The following MATN4 variants were observed in gnomAD, a reference collection of about 807,000 sequenced individuals.
MATN4 encodes the protein matrilin-4.
A neutral mutation model predicts 54.6 loss-of-function variants in MATN4; 40 were observed. The observed-to-expected ratio is 0.73, with a 90% CI of 0.57 to 0.95. The LOEUF (loss-of-function observed/expected upper bound fraction) is 0.95, where lower values mean the gene tolerates loss of function less well. Among genes scored for constraint, MATN4 ranks in the 40% least tolerant of loss-of-function variants. The probability of loss-of-function intolerance (pLI) is 0.00; values close to 1 mark genes in which losing one functional copy is unlikely to be tolerated. For missense variants in MATN4, 810 were observed against 819.1 expected (o/e 0.99, Z 0.13); for synonymous variants, 351 against 345.3 (o/e 1.02, Z -0.18).
At chr20:45,303,664 G>A (rs1986384131) in intron 3 of MATN4, among the ~76,000 whole-genome samples, 1 of 152,224 alleles carries the variant, frequency 6.6e-6, no homozygotes, top group African/African-American at 2.4e-5. Context: ...TACCAAGTGA[G>A]AGGGCTTAGG....
At chr20:45,301,486 C>G (rs1181730717) in intron 3 of MATN4, 43 bp from the exon 4 acceptor site, 32 of 1,594,220 alleles carry the variant, frequency 2.0e-5, no homozygotes, top group Non-Finnish European at 2.6e-5. Flanking sequence ...GACTGCCCTT[C>G]TCAGCTCTGG....
intron 2 of MATN4, 135 bp from the exon 3 acceptor site, chr20:45,304,932 G>A (rs1986492456): frequency 1.7e-6 from 1 of 575,252 alleles, no homozygotes; most frequent in Non-Finnish European, 3.0e-6. Flanking sequence ...TTAGACAGAT[G>A]CACTCGCCCG....
intron 8 of MATN4, among the ~76,000 whole-genome samples, chr20:45,297,124 G>T (rs911348818): frequency 6.7e-6 from 1 of 149,832 alleles, no homozygotes; most frequent in African/African-American, 2.5e-5. Context: ...GAGCCACTGC[G>T]CCCAGCCCCC....
In MATN4 at chr20:45,293,984, C is replaced by T. The variant is rs1175515247; in HGVS notation, c.1611G>A (p.Arg537=). 1 of 1,603,228 alleles carries T rather than the reference C, an allele frequency of 6.2e-7. No homozygotes were observed. Among genetic ancestry groups the T allele is most frequent in the Admixed American group, 1.7e-5 (1 of 59,690 alleles). Residue 537 remains arginine, a synonymous_variant, in exon 9 of 10, where the codon CGG becomes CGA. Coordinates refer to ENST00000372756, the MANE Select transcript of MATN4 (RefSeq NM_001393530.1). ...CGAGGCTTTCGCATTCGCATGGGCT[C>T]CGAAGCTCTGTCCCTGCGCTGATGC... ...EEGISAGTEL[R]SPCECESLVE...
chr20:45,293,848 G>T (rs1197905390), intron 9 of MATN4, 23 bp from the exon 10 acceptor site: 2 of 1,610,252 alleles, frequency 1.2e-6, no homozygotes, highest in Non-Finnish European at 1.7e-6. Context: ...GGAGGCCGTT[G>T]GGGTTCGCCG....
At chr20:45,296,402 T>C (rs1047829326) in intron 8 of MATN4, among the ~76,000 whole-genome samples, 17 of 152,264 alleles carry the variant, frequency 1.1e-4, no homozygotes, top group Non-Finnish European at 1.5e-4. Flanking sequence ...TTCATCTTAG[T>C]CTTATATGTA....
intron 3 of MATN4, among the ~76,000 whole-genome samples, chr20:45,302,300 GA>G (rs1259314041): frequency 1.3e-5 from 2 of 151,748 alleles, no homozygotes; most frequent in East Asian, 3.8e-4. Flanking sequence ...TTAGTTTCTA[GA>G]AACAAGAAGA....
At chr20:45,305,666 A>T in intron 1 of MATN4, 50 bp from the exon 2 acceptor site, 1 of 920,680 alleles carries the variant, frequency 1.1e-6, no homozygotes, top group Non-Finnish European at 1.7e-6. Flanking sequence ...CAGAGCTCTT[A>T]TTCTGGGTGA....
intron 1 of MATN4, chr20:45,306,770 G>A (rs2145676343): frequency 1.8e-6 from 1 of 547,712 alleles, no homozygotes; most frequent in Non-Finnish European, 2.8e-6. Context: ...CGAGCAAACA[G>A]GGGGCCGGGG....
At position 45,298,193 on chromosome 20, in the gene MATN4, C is replaced by A; in HGVS notation, c.1403G>T (p.Trp468Leu). ...DGRSQDDISV[W>L]AARAKEEGIV... Reference sequence around the variant, plus strand: ...ACCTTCCTCCTTGGCGCGCGCTGCCCACACCGAGATGTCATCCTGGGAGCG... The same window carrying A: ...ACCTTCCTCCTTGGCGCGCGCTGCCAACACCGAGATGTCATCCTGGGAGCG... Residue 468 changes from tryptophan to leucine, a missense_variant, in exon 7 of 10, where the codon TGG becomes TTG. By Grantham distance (61) the Trp-to-Leu change is moderately conservative. Coordinates refer to ENST00000372756, the MANE Select transcript of MATN4 (RefSeq NM_001393530.1). This position sits in a 1 kb window ranked among gnomAD's most constrained non-coding sequence, Gnocchi z 4.6. The A allele has an allele frequency of 1.2e-6, 2 of 1,600,308 alleles. No individual in the cohort carries two copies. Among genetic ancestry groups the A allele is most frequent in the African/African-American group, 2.7e-5 (2 of 74,828 alleles).
intron 8 of MATN4, 88 bp downstream of exon 8, chr20:45,297,830 A>G (rs1239696151): frequency 2.2e-5 from 33 of 1,524,492 alleles, no homozygotes; most frequent in Non-Finnish European, 3.0e-5. Flanking sequence ...GGCTATAACT[A>G]CAAAGTGGGC....
chr20:45,298,761 CCAT>C lies in MATN4; in HGVS notation c.1013-181_1013-179del, dbSNP rs369157494. 2.5e-3 allele frequency among the ~76,000 whole-genome samples: 382 copies of C among 152,274 alleles called. 3 individuals carry two copies. The highest frequency in any genetic ancestry group is 8.6e-3 in the African/African-American group (357 of 41,528). ...ATTATCACCATCATCATCACCATCA[CCAT>C]CATCATCACCCTCATCATCGCCCTT... is the stretch of plus-strand genomic sequence containing the variant. On this transcript the variant is annotated intron_variant, in intron 6 of 9. Coordinates refer to ENST00000372756, the MANE Select transcript of MATN4 (RefSeq NM_001393530.1). This position sits in a 1 kb window ranked among gnomAD's most constrained non-coding sequence, Gnocchi z 4.6.
Position 45,298,349 on chromosome 20 carries a change from T to G in MATN4, c.1247A>C (p.Glu416Ala). The change falls in exon 7 of 10, where the codon GAG (glutamate) becomes GCG (alanine). Residue 416 changes from glutamate to alanine, a missense_variant. Coordinates refer to ENST00000372756, the MANE Select transcript of MATN4 (RefSeq NM_001393530.1). The surrounding 1 kb of genome is among the most constrained non-coding windows in gnomAD (Gnocchi z 4.6). ...AEVKQAVLAV[E>A]YMERGTMTGL... is the part of the protein sequence containing the mutation. ...TGTCATGGTGCCGCGTTCCATGTAC[T>G]CCACGGCCAGGACCGCCTGCTTCAC... The G allele has an allele frequency of 6.2e-7, 1 of 1,613,222 alleles. No homozygotes were observed. The highest frequency in any genetic ancestry group is 1.7e-5 in the Admixed American group (1 of 59,986).
Position 45,304,576 on chromosome 20 carries a change from G to A in MATN4, c.295C>T (p.Arg99Cys). Reference protein sequence around the residue: ...RAFSRREDMERAIRDLVPLAQ... With the variant: ...RAFSRREDMECAIRDLVPLAQ... ...AGAGGCACCAGGTCGCGGATGGCGCGCTCCATGTCCTCGCGGCGAGAGAAC... is the reference window on the plus strand; with the variant it reads ...AGAGGCACCAGGTCGCGGATGGCGCACTCCATGTCCTCGCGGCGAGAGAAC... Residue 99 changes from arginine (R) to cysteine (C), a missense_variant, in exon 3 of 10, where the codon CGC becomes TGC. Coordinates refer to ENST00000372756, the MANE Select transcript of MATN4 (RefSeq NM_001393530.1). 1.9e-6 allele frequency: 3 copies of A among 1,598,092 alleles called. No individual in the cohort carries two copies. Among genetic ancestry groups the A allele is most frequent in the Non-Finnish European group, 1.7e-6 (2 of 1,167,500 alleles).
In MATN4 at chr20:45,295,578, G is replaced by A. The variant is rs565723369; in HGVS notation, c.1580-1563C>T. On this transcript the variant is annotated intron_variant, in intron 8 of 9. Coordinates refer to ENST00000372756, the MANE Select transcript of MATN4 (RefSeq NM_001393530.1). ...AATTTTTTGTATTTTTAGTAGAGACGGGGTTTCACTGTGTTAGCCAGGATG... is the reference window on the plus strand; with the variant it reads ...AATTTTTTGTATTTTTAGTAGAGACAGGGTTTCACTGTGTTAGCCAGGATG... Among the ~76,000 whole-genome samples the A allele has an allele frequency of 4.9e-4, 75 of 152,146 alleles. 1 individual carries two copies. Among genetic ancestry groups the A allele is most frequent in the African/African-American group, 1.7e-3 (69 of 41,494 alleles).
rs1985963931 is a variant in MATN4, at chr20:45,298,044, C to T, written c.1453G>A (p.Gly485Ser). The T allele has an allele frequency of 1.9e-6, 3 of 1,613,612 alleles. No individual in the cohort carries two copies. The highest frequency in any genetic ancestry group is 1.7e-6 in the Non-Finnish European group (2 of 1,179,894). The change falls in exon 8 of 10, where the codon GGC becomes AGC. Residue 485 changes from glycine to serine, a missense_variant. By Grantham distance (56) the Gly-to-Ser change is moderately conservative. Transcript: ENST00000372756. This position sits in a 1 kb window ranked among gnomAD's most constrained non-coding sequence, Gnocchi z 4.6. The part of the protein sequence containing the change: ...EGIVMYAVGV[G>S]KAVEAELREI... ...CGCAGCTCCGCCTCCACCGCCTTGC[C>T]CACGCCCACGGCGTACATGACGATG...
chr20:45,301,208 G>T lies in MATN4; in HGVS notation c.783C>A (p.Ser261Arg). The change falls in exon 5 of 10, where the codon AGC (serine) becomes AGA (arginine). Residue 261 changes from serine to arginine, a missense_variant. Physicochemically the swap from Ser to Arg is moderately radical, Grantham distance 110. Coordinates refer to ENST00000372756, the MANE Select transcript of MATN4 (RefSeq NM_001393530.1). ...QRSCRAIDYC[S>R]FGNHSCQHEC... ...CATGCTGACAGCTATGGTTCCCAAAGCTGCAGTAGTCAATGGCTGGCAGGA... is the reference window on the plus strand; with the variant it reads ...CATGCTGACAGCTATGGTTCCCAAATCTGCAGTAGTCAATGGCTGGCAGGA... 4 of 1,614,112 alleles carry T rather than the reference G, an allele frequency of 2.5e-6. No individual in the cohort carries two copies. In the South Asian group the frequency reaches 4.4e-5, roughly 18 times the overall value.
chr20:45,305,805 C>CTT lies in MATN4; in HGVS notation c.-34-191_-34-190dup, dbSNP rs758735302. Reference sequence around the variant, plus strand: ...GGATTGCTGGGAAACACAAGAGATTCTTTTTTTTTTTTTTTTTAGATAGAG... The same window carrying CTT: ...GGATTGCTGGGAAACACAAGAGATTCTTTTTTTTTTTTTTTTTTTAGATAGAG... On this transcript the variant is annotated intron_variant, in intron 1 of 9. Coordinates refer to ENST00000372756, the MANE Select transcript of MATN4 (RefSeq NM_001393530.1). Among the ~76,000 whole-genome samples, 15 of 64,686 alleles carry CTT rather than the reference C, an allele frequency of 2.3e-4. 4 individuals are homozygous for CTT. In the East Asian group the frequency reaches 2.8e-3, roughly 12 times the overall value. 42.4% of individuals were successfully genotyped at this position (64,686 alleles called of 152,430 possible). A position where few individuals can be genotyped will look rare whatever the true frequency, so the allele number is the denominator to read the frequency against.
In MATN4 at chr20:45,305,511, T is replaced by C; in HGVS notation, c.72A>G (p.Thr24=). The C allele has an allele frequency of 6.4e-7, 1 of 1,553,652 alleles. No individual in the cohort carries two copies. The highest frequency in any genetic ancestry group is 1.2e-5 in the South Asian group (1 of 84,112). The change falls in exon 2 of 10, where the codon ACA becomes ACG. Residue 24 remains threonine (T), a splice_region_variant and synonymous_variant. Transcript: ENST00000372756. ...LQPWETQLQL[T]GPRCHTGPLD... ...GGTGAGGGCTGGGCCCCAGTTCACC[T>C]GTCAACTGGAGCTGGGTTTCCCAGG...
Sources: allele counts gnomAD v4.1 joint callset (sites outside exome capture counted in the v4.1 genomes callset), GRCh38; gene constraint gnomAD v4.1.1; non-coding constraint Gnocchi (gnomAD v3.1); transcripts MANE v1.5; gene names NCBI Gene and HGNC (gene_info 2026-07-23, HGNC 2026-07-21).